The following SCUBE3 variants were observed in gnomAD, a reference collection of about 807,000 sequenced individuals.
SCUBE3 encodes signal peptide, CUB and EGF-like domain-containing protein 3.
Under a neutral mutation model 116.8 loss-of-function variants are expected in SCUBE3, and 33 were observed. The observed-to-expected ratio is 0.28, with a 90% confidence interval of 0.21 to 0.38. The LOEUF is 0.38. SCUBE3 is among the 10% of genes least tolerant of loss of function. The pLI is 1.00. For synonymous variants in SCUBE3, 418 were observed against 496.9 expected, an observed-to-expected ratio of 0.84 and a Z score of 2.11; for missense variants, 1,007 against 1,324.8, an observed-to-expected ratio of 0.76 and a Z score of 3.72.
rs774043588 is a variant in SCUBE3, at chr6:35,243,937, AG to A, written c.2072-25del. On this transcript the variant is annotated intron_variant, in intron 16 of 21. Transcript: ENST00000274938. This position sits in a 1 kb window ranked among gnomAD's most constrained non-coding sequence, Gnocchi z 6.6. ...GGGATGACTCAGGACCATCCCCATCAGAGTTGGGCCCTTGATTCATTGCAGG... is the reference window on the plus strand; with the variant it reads ...GGGATGACTCAGGACCATCCCCATCAAGTTGGGCCCTTGATTCATTGCAGG... 6 of 1,608,638 alleles carry A rather than the reference AG, an allele frequency of 3.7e-6. No homozygotes were observed. In the South Asian group the frequency reaches 6.6e-5, roughly 18 times the overall value.
intron 6 of SCUBE3, among the ~76,000 whole-genome samples, chr6:35,234,535 T>C (rs923257646): frequency 6.6e-6 from 1 of 152,188 alleles, no homozygotes; most frequent in African/African-American, 2.4e-5. Flanking sequence ...AATTAACTCT[T>C]CAAAGACCCC....
chr6:35,242,196 C>T lies in SCUBE3; in HGVS notation c.1418-8C>T, dbSNP rs865842851. The T allele has an allele frequency of 3.8e-6, 6 of 1,597,218 alleles. No homozygotes were observed. The highest frequency in any genetic ancestry group is 1.7e-4 in the Middle Eastern group (1 of 6,010). ...CCATACTGTGCTGAGTTTCTACCAT[C>T]CCTCTAGAGGCTGCAGTGCTGTCCA... On this transcript the variant is annotated splice_region_variant and splice_polypyrimidine_tract_variant and intron_variant, in intron 12 of 21. Coordinates refer to ENST00000274938, the MANE Select transcript of SCUBE3 (RefSeq NM_152753.4).
intron 7 of SCUBE3, among the ~76,000 whole-genome samples, chr6:35,238,895 G>T (rs979252801): frequency 6.6e-6 from 1 of 152,084 alleles, no homozygotes; most frequent in African/African-American, 2.4e-5. Flanking sequence ...TGCGAGAGGA[G>T]GGGGGAGGCT....
At position 35,243,178 on chromosome 6, in the gene SCUBE3, G is replaced by A. The variant is rs369557549; in HGVS notation, c.1851G>A (p.Glu617=). The change falls in exon 15 of 22, where the codon GAG becomes GAA. Residue 617 remains glutamate (E), a synonymous_variant. Transcript: ENST00000274938. The surrounding 1 kb of genome is among the most constrained non-coding windows in gnomAD (Gnocchi z 6.6). ...LAHKPGLVAG[E]RAEPMESCRP... is the part of the protein sequence containing the mutation. Reference sequence around the variant, plus strand: ...ACAAGCCGGGCCTGGTAGCCGGGGAGCGAGCAGAGCCGATGGAGTCCTGTA... The same window carrying A: ...ACAAGCCGGGCCTGGTAGCCGGGGAACGAGCAGAGCCGATGGAGTCCTGTA... The A allele has an allele frequency of 1.2e-4, 188 of 1,614,228 alleles. No homozygotes were observed. The highest frequency in any genetic ancestry group is 6.0e-4 in the Admixed American group (36 of 60,036).
Position 35,231,826 on chromosome 6 carries a change from G to T in SCUBE3, c.436G>T (p.Asp146Tyr). 6.2e-7 allele frequency: 1 copy of T among 1,613,428 alleles called. No individual in the cohort carries two copies. Among genetic ancestry groups the T allele is most frequent in the Non-Finnish European group, 8.5e-7 (1 of 1,179,518 alleles). ...CHCREGFFLS[D>Y]NQHTCIQRPE... is the part of the protein sequence containing the mutation. ...CTGCCGGGAAGGCTTCTTCCTCAGC[G>T]ACAACCAGCATACCTGTATCCAGCG... Residue 146 changes from aspartate to tyrosine, a missense_variant, in exon 4 of 22, where the codon GAC (aspartate) becomes TAC (tyrosine). By Grantham distance (160) the Asp-to-Tyr change is radical (BLOSUM62 -3). Coordinates refer to ENST00000274938, the MANE Select transcript of SCUBE3 (RefSeq NM_152753.4). The surrounding 1 kb of genome is among the most constrained non-coding windows in gnomAD (Gnocchi z 4.2).
At position 35,245,827 on chromosome 6, in the gene SCUBE3, C is replaced by A. The variant is rs1019634313; in HGVS notation, c.2600-117C>A. The A allele has an allele frequency of 2.4e-5, 27 of 1,104,710 alleles. No individual in the cohort carries two copies. The highest frequency in any genetic ancestry group is 3.3e-5 in the Non-Finnish European group (25 of 756,372). 68.4% of individuals were successfully genotyped at this position (1,104,710 alleles called of 1,614,324 possible). A position where few individuals can be genotyped will look rare whatever the true frequency, so the allele number is the denominator to read the frequency against. ...GGGTGTGTGTATGCGAAGGGGGAGC[C>A]TTTGTCAGAATGATTCTCTTGCCCT... On this transcript the variant is annotated intron_variant, in intron 19 of 21. Transcript: ENST00000274938. The surrounding 1 kb of genome is among the most constrained non-coding windows in gnomAD (Gnocchi z 4.2).
intron 1 of SCUBE3, among the ~76,000 whole-genome samples, chr6:35,225,534 C>G (rs1448773702): frequency 6.6e-6 from 1 of 152,162 alleles, no homozygotes; most frequent in African/African-American, 2.4e-5. Context: ...CCTATGGAGC[C>G]TGAGCGAGGT....
rs557989032 is a variant in SCUBE3, at chr6:35,241,716, G to A, written c.1312+57G>A. 236 of 1,503,994 alleles carry A rather than the reference G, an allele frequency of 1.6e-4. No homozygotes were observed. Among genetic ancestry groups the A allele is most frequent in the South Asian group, 3.9e-4 (35 of 88,850 alleles). 93.2% of individuals were successfully genotyped at this position (1,503,994 alleles called of 1,614,324 possible). A position where few individuals can be genotyped will look rare whatever the true frequency, so the allele number is the denominator to read the frequency against. On this transcript the variant is annotated intron_variant, in intron 11 of 21. Transcript: ENST00000274938. The surrounding 1 kb of genome is among the most constrained non-coding windows in gnomAD (Gnocchi z 4.1). ...GAGGAGAAAAGAGGAAGGACTGGCC[G>A]TTCAGGCAGCTCCTTCATTCCCCCT...
Position 35,239,674 on chromosome 6 carries a change from G to A in SCUBE3, c.830-78G>A, listed in dbSNP as rs763022248. On this transcript the variant is annotated intron_variant, in intron 7 of 21. Transcript: ENST00000274938. The surrounding 1 kb of genome is among the most constrained non-coding windows in gnomAD (Gnocchi z 4.1). The stretch of plus-strand genomic sequence containing the variant: ...CCTTGATTTTTGCATGTCTCTGTCA[G>A]TGAGGGAGGGATCTTTCTCCTTGTT... 245 of 1,407,426 alleles carry A rather than the reference G, an allele frequency of 1.7e-4. 1 individual carries two copies. The highest frequency in any genetic ancestry group is 2.9e-4 in the South Asian group (24 of 81,794). 87.2% of individuals were successfully genotyped at this position (1,407,426 alleles called of 1,614,324 possible). A position where few individuals can be genotyped will look rare whatever the true frequency, so the allele number is the denominator to read the frequency against.
Position 35,231,638 on chromosome 6 carries a change from T to C in SCUBE3, c.335-87T>C. 1.6e-6 allele frequency: 2 copies of C among 1,256,308 alleles called. No homozygotes were observed. The highest frequency in any genetic ancestry group is 2.2e-5 in the Admixed American group (1 of 46,508). 77.8% of individuals were successfully genotyped at this position (1,256,308 alleles called of 1,614,324 possible). On this transcript the variant is annotated intron_variant, in intron 3 of 21. Coordinates refer to ENST00000274938, the MANE Select transcript of SCUBE3 (RefSeq NM_152753.4). The surrounding 1 kb of genome is among the most constrained non-coding windows in gnomAD (Gnocchi z 4.2). ...GCTGGGCTTAGGGGGTAGTAGTTCT[T>C]AAGACTGCCTTTGGTGCTGAAGTCT...
At position 35,244,262 on chromosome 6, in the gene SCUBE3, C is replaced by G; in HGVS notation, c.2239+132C>G. 1 of 756,438 alleles carries G rather than the reference C, an allele frequency of 1.3e-6. No individual in the cohort carries two copies. The allele number at this position is 756,438 out of a possible 1,614,324, so 46.9% of individuals were successfully genotyped here. ...GTAATGGGCCCAGCTACTTGACCAA[C>G]CATACCATCCTGCTTCCAGGACCCA... On this transcript the variant is annotated intron_variant, in intron 17 of 21. Coordinates refer to ENST00000274938, the MANE Select transcript of SCUBE3 (RefSeq NM_152753.4). The surrounding 1 kb of genome is among the most constrained non-coding windows in gnomAD (Gnocchi z 4.3).
chr6:35,244,910 G>A lies in SCUBE3; in HGVS notation c.2401+99G>A. 8.2e-7 allele frequency: 1 copy of A among 1,222,106 alleles called. No individual in the cohort carries two copies. The highest frequency in any genetic ancestry group is 1.2e-6 in the Non-Finnish European group (1 of 853,086). The allele number at this position is 1,222,106 out of a possible 1,614,324, so 75.7% of individuals were successfully genotyped here. On this transcript the variant is annotated intron_variant, in intron 18 of 21. Coordinates refer to ENST00000274938, the MANE Select transcript of SCUBE3 (RefSeq NM_152753.4). The surrounding 1 kb of genome is among the most constrained non-coding windows in gnomAD (Gnocchi z 4.3). ...GAAACCAACAGGGAGCAGGGCTGGG[G>A]GGTGGAGGAGCAGGAAAACTCCACC...
Position 35,241,302 on chromosome 6 carries a change from G to A in SCUBE3, c.1195+36G>A. On this transcript the variant is annotated intron_variant, in intron 10 of 21. Coordinates refer to ENST00000274938, the MANE Select transcript of SCUBE3 (RefSeq NM_152753.4). The surrounding 1 kb of genome is among the most constrained non-coding windows in gnomAD (Gnocchi z 4.1). ...CCCTCTGCTGGCCAAAGATGACACT[G>A]CCATTTCAGGGAGCAGTTGGGGTTC... 12 of 1,568,710 alleles carry A rather than the reference G, an allele frequency of 7.6e-6. No homozygotes were observed. Among genetic ancestry groups the A allele is most frequent in the Non-Finnish European group, 9.6e-6 (11 of 1,150,870 alleles).
Position 35,225,898 on chromosome 6 carries a change from A to G in SCUBE3, c.86-1682A>G, listed in dbSNP as rs191099109. On this transcript the variant is annotated intron_variant, in intron 1 of 21. Coordinates refer to ENST00000274938, the MANE Select transcript of SCUBE3 (RefSeq NM_152753.4). ...AAACCTAGGCAATTCTATGGCCCAT[A>G]GATCACACTTGGATATCAAATTGTC... 1.0e-3 allele frequency among the ~76,000 whole-genome samples: 156 copies of G among 152,348 alleles called. 1 individual carries two copies. Among genetic ancestry groups the G allele is most frequent in the African/African-American group, 3.6e-3 (151 of 41,582 alleles).
chr6:35,243,643 G>A lies in SCUBE3; in HGVS notation c.1959G>A (p.Val653=), dbSNP rs1176720824. ...TYYHGQTEQC[V]PCPAGTFQER... The stretch of plus-strand genomic sequence containing the variant: ...ACCACGGCCAGACGGAGCAGTGTGT[G>A]CCATGCCCAGCGGGCACCTTCCAGG... The change falls in exon 16 of 22, where the codon GTG becomes GTA. Residue 653 remains valine, a synonymous_variant. Coordinates refer to ENST00000274938, the MANE Select transcript of SCUBE3 (RefSeq NM_152753.4). The surrounding 1 kb of genome is among the most constrained non-coding windows in gnomAD (Gnocchi z 6.6). 1.9e-6 allele frequency: 3 copies of A among 1,614,130 alleles called. No individual in the cohort carries two copies. In the South Asian group the frequency reaches 3.3e-5, roughly 18 times the overall value.
In SCUBE3 at chr6:35,242,192, C is replaced by G. The variant is rs370754829; in HGVS notation, c.1418-12C>G. ...CATCCCATACTGTGCTGAGTTTCTA[C>G]CATCCCTCTAGAGGCTGCAGTGCTG... On this transcript the variant is annotated splice_polypyrimidine_tract_variant and intron_variant, in intron 12 of 21. Transcript: ENST00000274938. The G allele has an allele frequency of 9.4e-6, 15 of 1,590,848 alleles. No homozygotes were observed. Among genetic ancestry groups the G allele is most frequent in the African/African-American group, 1.3e-5 (1 of 74,406 alleles).
chr6:35,245,151 C>G lies in SCUBE3; in HGVS notation c.2402-77C>G. 7.5e-7 allele frequency: 1 copy of G among 1,334,344 alleles called. No homozygotes were observed. Among genetic ancestry groups the G allele is most frequent in the South Asian group, 1.2e-5 (1 of 82,564 alleles). The allele number at this position is 1,334,344 out of a possible 1,614,324, so 82.7% of individuals were successfully genotyped here. A position where few individuals can be genotyped will look rare whatever the true frequency, so the allele number is the denominator to read the frequency against. On this transcript the variant is annotated intron_variant, in intron 18 of 21. Transcript: ENST00000274938. This position sits in a 1 kb window ranked among gnomAD's most constrained non-coding sequence, Gnocchi z 4.2. ...TAAATGTCTGACCTCTACTTCAGAA[C>G]TCTTCAATTCCCCCAGCACACTTCC...
At chr6:35,218,807 C>T (rs1783021750) in intron 1 of SCUBE3, among the ~76,000 whole-genome samples, 1 of 152,166 alleles carries the variant, frequency 6.6e-6, no homozygotes, top group African/African-American at 2.4e-5. Flanking sequence ...TCTCCTGTTC[C>T]TATGCCCACC....
rs1346937869 is a variant in SCUBE3, at chr6:35,231,064, C to G, written c.335-661C>G. 1.3e-5 allele frequency among the ~76,000 whole-genome samples: 2 copies of G among 151,886 alleles called. No individual in the cohort carries two copies. Among genetic ancestry groups the G allele is most frequent in the Non-Finnish European group, 2.9e-5 (2 of 67,972 alleles). ...TGTGGCCTGGCAGCTCTCCCCAGAT[C>G]CCTCCCCGCCAAGTTGTCAGACTTT... On this transcript the variant is annotated intron_variant, in intron 3 of 21. Transcript: ENST00000274938. This position sits in a 1 kb window ranked among gnomAD's most constrained non-coding sequence, Gnocchi z 4.2.
Sources: allele counts gnomAD v4.1 joint callset (sites outside exome capture counted in the v4.1 genomes callset), GRCh38; gene constraint gnomAD v4.1.1; non-coding constraint Gnocchi (gnomAD v3.1); transcripts MANE v1.5; gene names NCBI Gene and HGNC (gene_info 2026-07-23, HGNC 2026-07-21).